TMEM117: variants seen among roughly 807,000 people sequenced by gnomAD.
TMEM117 encodes the protein transmembrane protein 117.
Under a neutral mutation model 52.4 loss-of-function variants are expected in TMEM117, and 27 were observed. The observed-to-expected ratio is 0.51, with a 90% confidence interval of 0.38 to 0.71. TMEM117 has a LOEUF of 0.71. Ranked by LOEUF, TMEM117 falls within the 30% of genes least tolerant of loss-of-function variation. The pLI, the probability that TMEM117 is intolerant of heterozygous loss-of-function variation, is 0.00. For missense variants in TMEM117, 556 were observed against 630.5 expected, an observed-to-expected ratio of 0.88 and a Z score of 1.26; for synonymous variants, 215 against 206.3, an observed-to-expected ratio of 1.04 and a Z score of -0.36.
chr12:43,867,904 A>G (rs944058282), intron 2 of TMEM117, among the ~76,000 whole-genome samples: 19 of 152,224 alleles, frequency 1.2e-4, no homozygotes, highest in Admixed American at 7.9e-4. Flanking sequence ...AGACAATTCT[A>G]GCACAAACAC....
chr12:44,219,231 T>G (rs1253978592), intron 5 of TMEM117, among the ~76,000 whole-genome samples: 1 of 152,196 alleles, frequency 6.6e-6, no homozygotes, highest in African/African-American at 2.4e-5. Context: ...TCTGTGGCAG[T>G]GAGCACCCAG....
the TMEM117 span, among the ~76,000 whole-genome samples, chr12:43,813,313 G>A: frequency 7.6e-6 from 1 of 131,604 alleles, no homozygotes; most frequent in African/African-American, 2.9e-5. Flanking sequence ...GCACAATCTC[G>A]GCTCACTGTA....
chr12:43,933,079 G>T (rs1418834206), intron 2 of TMEM117, among the ~76,000 whole-genome samples: 2 of 152,048 alleles, frequency 1.3e-5, no homozygotes, highest in Non-Finnish European at 2.9e-5. Context: ...CTTCTTAATT[G>T]CATTAATATA....
intron 5 of TMEM117, among the ~76,000 whole-genome samples, chr12:44,241,969 T>A (rs1412779702): frequency 2.0e-5 from 3 of 151,988 alleles, no homozygotes; most frequent in East Asian, 3.9e-4. Context: ...TTCTCTTTCC[T>A]GTTTAAATTT....
At chr12:44,185,874 AC>A (rs1949270691) in intron 4 of TMEM117, among the ~76,000 whole-genome samples, 1 of 82,982 alleles carries the variant, frequency 1.2e-5, no homozygotes, top group East Asian at 3.2e-4. Context: ...AGACATACAC[AC>A]ACACACACAC....
chr12:44,197,467 T>C (rs990423844), intron 4 of TMEM117, among the ~76,000 whole-genome samples: 1 of 152,166 alleles, frequency 6.6e-6, no homozygotes, highest in African/African-American at 2.4e-5. Flanking sequence ...TGGGCTAATA[T>C]AGTTTGATAA....
At chr12:44,081,737 C>G (rs1947484412) in intron 3 of TMEM117, among the ~76,000 whole-genome samples, 1 of 152,012 alleles carries the variant, frequency 6.6e-6, no homozygotes, top group African/African-American at 2.4e-5. Context: ...TGCAAAACTT[C>G]TAAGTTAGTA....
chr12:44,370,603 C>T (rs887024609), intron 6 of TMEM117, among the ~76,000 whole-genome samples: 3 of 151,096 alleles, frequency 2.0e-5, no homozygotes, highest in Non-Finnish European at 4.4e-5. Flanking sequence ...CTGCAACCTC[C>T]GCCTCCTGGG....
At chr12:44,350,988 A>G (rs750283781) in intron 6 of TMEM117, among the ~76,000 whole-genome samples, 11 of 152,056 alleles carry the variant, frequency 7.2e-5, no homozygotes, top group Admixed American at 2.0e-4. Context: ...CCAACAGTGT[A>G]CAAGGGTTCC....
rs1009998748 is a variant in TMEM117, at chr12:43,881,970, G to A, written c.277+37042G>A. ...GCCTGTAGTCCCAGCTACTCAGGAG[G>A]CTGAGGCAGGAGAATGGCGTGAACC... On this transcript the variant is annotated intron_variant, in intron 2 of 7. Coordinates refer to ENST00000266534, the MANE Select transcript of TMEM117 (RefSeq NM_032256.3). Among the ~76,000 whole-genome samples, 88 of 151,974 alleles carry A rather than the reference G, an allele frequency of 5.8e-4. 1 individual carries two copies. The highest frequency in any genetic ancestry group is 3.7e-3 in the Admixed American group (57 of 15,264).
At chr12:43,858,959 G>A (rs1943443219) in intron 2 of TMEM117, among the ~76,000 whole-genome samples, 1 of 152,146 alleles carries the variant, frequency 6.6e-6, no homozygotes, top group Non-Finnish European at 1.5e-5. Flanking sequence ...GAGTGGAAGG[G>A]ACAGTCTCTT....
chr12:44,387,226 A>G (rs903040989), intron 7 of TMEM117, among the ~76,000 whole-genome samples: 1 of 151,830 alleles, frequency 6.6e-6, no homozygotes, highest in Non-Finnish European at 1.5e-5. Context: ...GGACTCTAGT[A>G]TACCTGAAAA....
chr12:44,303,525 A>G (rs1183653624), intron 6 of TMEM117, among the ~76,000 whole-genome samples: 1 of 152,160 alleles, frequency 6.6e-6, no homozygotes, highest in East Asian at 1.9e-4. Flanking sequence ...TTGTTGTATC[A>G]CATTTTTCTG....
chr12:43,841,707 C>T (rs1449185399), intron 1 of TMEM117, among the ~76,000 whole-genome samples: 2 of 152,160 alleles, frequency 1.3e-5, no homozygotes, highest in African/African-American at 4.8e-5. Flanking sequence ...TGGCCGTCTG[C>T]AGGAAATGGT....
At chr12:43,884,260 C>CTT (rs1418763420) in intron 2 of TMEM117, among the ~76,000 whole-genome samples, 2 of 151,632 alleles carry the variant, frequency 1.3e-5, no homozygotes, top group African/African-American at 4.8e-5. Context: ...ATTGTCTTTG[C>CTT]TTATTAATTA....
intron 6 of TMEM117, among the ~76,000 whole-genome samples, chr12:44,308,528 T>A (rs1373860383): frequency 6.6e-6 from 1 of 152,188 alleles, no homozygotes; most frequent in Non-Finnish European, 1.5e-5. Flanking sequence ...CTCAGAGCAC[T>A]GCTGTACTTC....
intron 6 of TMEM117, among the ~76,000 whole-genome samples, chr12:44,316,430 T>C (rs1232414512): frequency 6.6e-6 from 1 of 152,182 alleles, no homozygotes; most frequent in African/African-American, 2.4e-5. Flanking sequence ...TGGCTTGTAA[T>C]ATTTCAGCTG....
At chr12:43,814,359 G>T in the TMEM117 span, among the ~76,000 whole-genome samples, 1 of 152,012 alleles carries the variant, frequency 6.6e-6, no homozygotes, top group Non-Finnish European at 1.5e-5. Context: ...TCTTTGCTGG[G>T]CTCTTTCTTT....
At chr12:44,169,779 A>C (rs1364232976) in intron 4 of TMEM117, among the ~76,000 whole-genome samples, 2 of 152,270 alleles carry the variant, frequency 1.3e-5, no homozygotes, top group East Asian at 3.9e-4. Context: ...GCGATCATTA[A>C]AAAGTCAGGA....
Sources: allele counts gnomAD v4.1 joint callset (sites outside exome capture counted in the v4.1 genomes callset), GRCh38; gene constraint gnomAD v4.1.1; transcripts MANE v1.5; gene names NCBI Gene and HGNC (gene_info 2026-07-23, HGNC 2026-07-21).